The following PKHD1 variants were observed in gnomAD, a reference collection of about 807,000 sequenced individuals.
The protein encoded by PKHD1 is PKHD1 ciliary IPT domain containing fibrocystin/polyductin, also known as fibrocystin.
PKHD1 carries 291 observed loss-of-function variants against 412.0 expected under a neutral mutation model. That is an observed-to-expected ratio of 0.71 (90% CI 0.64 to 0.78). The LOEUF (loss-of-function observed/expected upper bound fraction) is 0.78. PKHD1 is among the 30% of genes least tolerant of loss of function. PKHD1 has a pLI of 0.00. For missense variants in PKHD1, 4,825 were observed against 4,950.7 expected (o/e 0.97, Z 0.76); for synonymous variants, 1,777 against 1,821.5 (o/e 0.98, Z 0.62).
intron 66 of PKHD1, among the ~76,000 whole-genome samples, chr6:51,621,567 G>A (rs1766620050): frequency 1.3e-5 from 2 of 152,064 alleles, no homozygotes; most frequent in African/African-American, 4.8e-5. Context: ...ATCTATTCAT[G>A]AAAGACTAAC....
chr6:51,734,718 A>C (rs907436610), intron 60 of PKHD1, among the ~76,000 whole-genome samples: 1 of 152,164 alleles, frequency 6.6e-6, no homozygotes, highest in Non-Finnish European at 1.5e-5. Context: ...GAGGAAAAAA[A>C]AAAACTCTAC....
At chr6:51,930,758 T>G (rs1786449812) in intron 37 of PKHD1, among the ~76,000 whole-genome samples, 1 of 152,206 alleles carries the variant, frequency 6.6e-6, no homozygotes. Flanking sequence ...CAGACTATAC[T>G]GGGACCCATG....
At chr6:51,646,420 G>T (rs1385440574) in intron 63 of PKHD1, among the ~76,000 whole-genome samples, 2 of 152,150 alleles carry the variant, frequency 1.3e-5, no homozygotes, top group Admixed American at 6.5e-5. Flanking sequence ...CTCCTGGTAG[G>T]AAGCATGATT....
At position 52,084,726 on chromosome 6, in the gene PKHD1, G is replaced by A. The variant is rs532723192; in HGVS notation, c.52+156C>T. On this transcript the variant is annotated intron_variant, in intron 2 of 66. Transcript: ENST00000371117. ...AAGCAAATACCTTAACACCTGCTCT[G>A]AAAACAGTATTTTTAACTCAATTTT... 3.3e-5 allele frequency among the ~76,000 whole-genome samples: 5 copies of A among 152,220 alleles called. No homozygotes were observed. In the East Asian group the frequency reaches 9.6e-4, roughly 29 times the overall value.
intron 43 of PKHD1, among the ~76,000 whole-genome samples, chr6:51,899,664 C>T (rs1290100998): frequency 6.6e-6 from 1 of 151,568 alleles, no homozygotes; most frequent in Non-Finnish European, 1.5e-5. Flanking sequence ...AAGTTCTGGC[C>T]AGGGCAATTA....
chr6:52,079,561 T>C (rs1236988302), intron 5 of PKHD1, among the ~76,000 whole-genome samples: 1 of 152,220 alleles, frequency 6.6e-6, no homozygotes, highest in Admixed American at 6.5e-5. Flanking sequence ...AGTTGAAGTC[T>C]TGGTTCTGCC....
intron 35 of PKHD1, among the ~76,000 whole-genome samples, chr6:51,991,169 T>A (rs1796999115): frequency 6.6e-6 from 1 of 152,214 alleles, no homozygotes; most frequent in Non-Finnish European, 1.5e-5. Flanking sequence ...TATTTGGGTC[T>A]CCAAGAAATC....
intron 20 of PKHD1, among the ~76,000 whole-genome samples, chr6:52,053,636 T>A (rs768689920): frequency 7.9e-5 from 12 of 152,164 alleles, no homozygotes; most frequent in Non-Finnish European, 1.3e-4. Flanking sequence ...ACAAGACCCA[T>A]GAGAATTATG....
chr6:51,779,163 C>T (rs575766943), intron 53 of PKHD1, among the ~76,000 whole-genome samples: 2 of 152,258 alleles, frequency 1.3e-5, no homozygotes, highest in African/African-American at 4.8e-5. Flanking sequence ...TTTAAAAACA[C>T]CTTGAAATAG....
intron 60 of PKHD1, among the ~76,000 whole-genome samples, chr6:51,692,247 GA>G (rs1028201245): frequency 1.7e-4 from 21 of 121,742 alleles, no homozygotes; most frequent in Middle Eastern, 4.3e-3. Flanking sequence ...GAATTCTGTA[GA>G]AAATCACATA....
chr6:51,775,812 T>A lies in PKHD1; in HGVS notation c.8550A>T (p.Thr2850=), dbSNP rs1211072836. 7.1e-7 allele frequency: 1 copy of A among 1,413,130 alleles called. No individual in the cohort carries two copies. The highest frequency in any genetic ancestry group is 1.1e-5 in the South Asian group (1 of 87,008). 87.5% of individuals were successfully genotyped at this position (1,413,130 alleles called of 1,614,324 possible). ...AAAACTATATTATACTCTTACCAAT[T>A]GTTCCTGGGTCAATATGAATTCCAT... The part of the protein sequence containing the change: ...RMNGIHIDPG[T]IGVYGKVHLY... The change falls in exon 54 of 67, where the codon ACA becomes ACT. Residue 2850 remains threonine (T), a synonymous_variant. Transcript: ENST00000371117.
chr6:51,933,610 A>T (rs1441134421), intron 37 of PKHD1, among the ~76,000 whole-genome samples: 6 of 152,236 alleles, frequency 3.9e-5, no homozygotes, highest in Admixed American at 3.9e-4. Context: ...GCAGTAGGTC[A>T]GCTGCAGCAC....
At chr6:51,952,340 T>G (rs1345076095) in intron 36 of PKHD1, among the ~76,000 whole-genome samples, 3 of 152,174 alleles carry the variant, frequency 2.0e-5, no homozygotes, top group African/African-American at 7.2e-5. Flanking sequence ...GGACTCTGAT[T>G]ATAGAGAAAT....
chr6:51,770,259 A>G (rs1266468358), intron 55 of PKHD1, among the ~76,000 whole-genome samples: 2 of 151,804 alleles, frequency 1.3e-5, no homozygotes, highest in Non-Finnish European at 2.9e-5. Context: ...CTGCTGTAAA[A>G]CTTTTCTGAC....
intron 35 of PKHD1, among the ~76,000 whole-genome samples, chr6:51,987,794 AC>A (rs1446840895): frequency 1.3e-5 from 2 of 151,466 alleles, no homozygotes; most frequent in African/African-American, 2.4e-5. Context: ...TCTCCAGAAG[AC>A]CCTCAAGTCC....
intron 52 of PKHD1, among the ~76,000 whole-genome samples, chr6:51,794,053 T>G (rs1794184263): frequency 6.7e-6 from 1 of 149,974 alleles, no homozygotes; most frequent in Admixed American, 6.6e-5. Context: ...TTGACTTTTT[T>G]TTTTTTTTTT....
chr6:51,957,189 C>T (rs1791280536), intron 36 of PKHD1, among the ~76,000 whole-genome samples: 1 of 152,034 alleles, frequency 6.6e-6, no homozygotes, highest in South Asian at 2.1e-4. Flanking sequence ...TTCTAACTAA[C>T]AAGTAGCATC....
rs1419109986 is a variant in PKHD1 at position 52,054,096 on chromosome 6, G to C, written c.1906C>G (p.Gln636Glu). The change falls in exon 20 of 67, where the codon CAA becomes GAA. Residue 636 changes from glutamine (Q) to glutamate (E), a missense_variant. By Grantham distance (29) the Gln-to-Glu change is conservative (BLOSUM62 2). Coordinates refer to ENST00000371117, the MANE Select transcript of PKHD1 (RefSeq NM_138694.4). The part of the protein sequence containing the change: ...KMIVSFTIGF[Q>E]NMVKNTTCDW... ...CAGGTGGTATTCTTTACCATGTTTT[G>C]AAAGCCGATTGTGAAGGACACAATC... 2 of 1,613,968 alleles carry C rather than the reference G, an allele frequency of 1.2e-6. No individual in the cohort carries two copies. The highest frequency in any genetic ancestry group is 1.7e-6 in the Non-Finnish European group (2 of 1,179,862).
At chr6:51,789,661 C>CT in intron 53 of PKHD1, among the ~76,000 whole-genome samples, 1 of 152,210 alleles carries the variant, frequency 6.6e-6, no homozygotes, top group East Asian at 1.9e-4. Flanking sequence ...CACTTGGAAA[C>CT]TTTGAGTGAT....
Sources: allele counts gnomAD v4.1 joint callset (sites outside exome capture counted in the v4.1 genomes callset), GRCh38; gene constraint gnomAD v4.1.1; transcripts MANE v1.5; gene names NCBI Gene and HGNC (gene_info 2026-07-23, HGNC 2026-07-21).